ADAM30: variants seen among roughly 807,000 people sequenced by gnomAD.
ADAM30 encodes ADAM metallopeptidase domain 30.
For synonymous variants in ADAM30, 382 were observed against 340.9 expected (o/e 1.12, Z -1.33); for missense variants, 960 against 959.4 (o/e 1.00, Z -0.01).
Position 119,895,457 on chromosome 1 carries a change from G to C in ADAM30, c.880C>G (p.His294Asp), listed in dbSNP as rs1295770679. 3 of 1,613,718 alleles carry C rather than the reference G, an allele frequency of 1.9e-6. No homozygotes were observed. The African/African-American group carries it at 4.0e-5, about 22-fold the overall frequency. The change falls in exon 1 of 1, where the codon CAT (histidine) becomes GAT (aspartate). Residue 294 changes from histidine to aspartate, a missense_variant. Coordinates refer to ENST00000369400, the MANE Select transcript of ADAM30 (RefSeq NM_021794.4). ...TTATATTTTCTTTGAAGATATAAAT[G>C]TGCCCAATCTGATGACAGGCGAGCA... ...LNARLSSDWA[H>D]LYLQRKYNDA...
In ADAM30 at chr1:119,896,188, C is replaced by T. The variant is rs201865600; in HGVS notation, c.149G>A (p.Ser50Asn). ...SYEVTIPEKL[S>N]FRGEVQGVVS... The stretch of plus-strand genomic sequence containing the variant: ...CACACCCTGCACCTCTCCCCGGAAG[C>T]TCAGCTTCTCAGGAATGGTGACTTC... The change falls in exon 1 of 1, where the codon AGC becomes AAC. Residue 50 changes from serine to asparagine, a missense_variant. Coordinates refer to ENST00000369400, the MANE Select transcript of ADAM30 (RefSeq NM_021794.4). 30 of 1,614,088 alleles carry T rather than the reference C, an allele frequency of 1.9e-5. No homozygotes were observed. Among genetic ancestry groups the T allele is most frequent in the Non-Finnish European group, 2.4e-5 (28 of 1,180,038 alleles).
At position 119,895,252 on chromosome 1, in the gene ADAM30, A is replaced by G; in HGVS notation, c.1085T>C (p.Ile362Thr). ...AAACCCAGTGCGTCCTGAGCCCATGATGCAATTAAGCCTACCCCTACATTG... is the reference window on the plus strand; with the variant it reads ...AAACCCAGTGCGTCCTGAGCCCATGGTGCAATTAAGCCTACCCCTACATTG... ...YCQCRGRLNC[I>T]MGSGRTGFSN... is the part of the protein sequence containing the mutation. Residue 362 changes from isoleucine to threonine, a missense_variant, in exon 1 of 1, where the codon ATC becomes ACC. Transcript: ENST00000369400. 1 of 1,614,172 alleles carries G rather than the reference A, an allele frequency of 6.2e-7. No individual in the cohort carries two copies. Among genetic ancestry groups the G allele is most frequent in the Non-Finnish European group, 8.5e-7 (1 of 1,180,026 alleles).
chr1:119,894,401 T>G lies in ADAM30; in HGVS notation c.1936A>C (p.Asn646His), dbSNP rs1422469951. ...TACATGCAGTGGCAGTTTTTTCTGT[T>G]GTTGCAAACACCCCGGGTATTGCAT... ...EKCNTRGVCNNRKNCHCMYGW... is the reference protein window; with the variant it reads ...EKCNTRGVCNHRKNCHCMYGW... Residue 646 changes from asparagine to histidine, a missense_variant, in exon 1 of 1, where the codon AAC (asparagine) becomes CAC (histidine). Coordinates refer to ENST00000369400, the MANE Select transcript of ADAM30 (RefSeq NM_021794.4). 1 of 1,614,098 alleles carries G rather than the reference T, an allele frequency of 6.2e-7. No homozygotes were observed. Among genetic ancestry groups the G allele is most frequent in the Non-Finnish European group, 8.5e-7 (1 of 1,180,056 alleles).
rs749260309 is a variant in ADAM30, at chr1:119,894,358, A to T, written c.1979T>A (p.Phe660Tyr). The change falls in exon 1 of 1, where the codon TTC (phenylalanine) becomes TAC (tyrosine). Residue 660 changes from phenylalanine (F) to tyrosine (Y), a missense_variant. Physicochemically the swap from Phe to Tyr is conservative, Grantham distance 22 (BLOSUM62 3). Coordinates refer to ENST00000369400, the MANE Select transcript of ADAM30 (RefSeq NM_021794.4). Reference protein sequence around the residue: ...CHCMYGWAPPFCEEVGYGGSI... With the variant: ...CHCMYGWAPPYCEEVGYGGSI... Reference sequence around the variant, plus strand: ...TCCTCCATACCCCACTTCCTCACAGAATGGAGGTGCCCACCCATACATGCA... The same window carrying T: ...TCCTCCATACCCCACTTCCTCACAGTATGGAGGTGCCCACCCATACATGCA... The T allele has an allele frequency of 5.6e-6, 9 of 1,614,058 alleles. No individual in the cohort carries two copies. The African/African-American group carries it at 9.3e-5, about 17-fold the overall frequency.
In ADAM30 at chr1:119,895,864, A is replaced by G. The variant is rs1298007405; in HGVS notation, c.473T>C (p.Val158Ala). The change falls in exon 1 of 1, where the codon GTC (valine) becomes GCC (alanine). Residue 158 changes from valine to alanine, a missense_variant. By Grantham distance (64) the Val-to-Ala change is moderately conservative. Transcript: ENST00000369400. ...CTGCTCTTTCTTCAGGAGATAGACG[A>G]CATGTTCAAAACTGGGAGAGGCCTT... The part of the protein sequence containing the change: ...PLKASPSFEH[V>A]VYLLKKEQFG... The G allele has an allele frequency of 1.2e-6, 2 of 1,614,188 alleles. No individual in the cohort carries two copies. Among genetic ancestry groups the G allele is most frequent in the Non-Finnish European group, 1.7e-6 (2 of 1,180,046 alleles).
rs1648486637 is a variant in ADAM30 at position 119,893,689 on chromosome 1, T to TCA, written c.*273_*274dup. ...GAATAGCATGGTAATTCTAGGAAAC[T>TCA]CACTACTTTCAGAGCTTTAGTGTAT... is the stretch of plus-strand genomic sequence containing the variant. On this transcript the variant is annotated 3_prime_UTR_variant, in exon 1 of 1. Transcript: ENST00000369400. 4 of 498,730 alleles carry TCA rather than the reference T, an allele frequency of 8.0e-6. No individual in the cohort carries two copies. In the Admixed American group the frequency reaches 1.2e-4, roughly 15 times the overall value. 30.9% of individuals were successfully genotyped at this position (498,730 alleles called of 1,614,324 possible). A position where few individuals can be genotyped will look rare whatever the true frequency, so the allele number is the denominator to read the frequency against.
Position 119,894,591 on chromosome 1 carries a change from T to G in ADAM30, c.1746A>C (p.Glu582Asp). The G allele has an allele frequency of 6.2e-7, 1 of 1,614,176 alleles. No individual in the cohort carries two copies. Among genetic ancestry groups the G allele is most frequent in the Middle Eastern group, 1.6e-4 (1 of 6,062 alleles). The change falls in exon 1 of 1, where the codon GAA becomes GAC. Residue 582 changes from glutamate to aspartate, a missense_variant. Coordinates refer to ENST00000369400, the MANE Select transcript of ADAM30 (RefSeq NM_021794.4). ...TTIISTHLQA[E>D]NLMCWGTGYH... The stretch of plus-strand genomic sequence containing the variant: ...AGCCTGTGCCCCAGCACATGAGATT[T>G]TCTGCCTGTAAATGAGTAGAAATTA...
At position 119,896,154 on chromosome 1, in the gene ADAM30, G is replaced by A. The variant is rs201524569; in HGVS notation, c.183C>T (p.Pro61=). Residue 61 remains proline (P), a synonymous_variant, in exon 1 of 1, where the codon CCC becomes CCT. Coordinates refer to ENST00000369400, the MANE Select transcript of ADAM30 (RefSeq NM_021794.4). The part of the protein sequence containing the change: ...FRGEVQGVVS[P]VSYLLQLKGK... ...CTTTTAACTGCAGTAGGTAGGACAC[G>A]GGACTGACCACACCCTGCACCTCTC... 9.7e-5 allele frequency: 156 copies of A among 1,614,046 alleles called. No homozygotes were observed. In the Middle Eastern group the frequency reaches 1.5e-3, roughly 15 times the overall value.
Position 119,895,461 on chromosome 1 carries a change from C to T in ADAM30, c.876G>A (p.Trp292Ter). 1.2e-6 allele frequency: 2 copies of T among 1,613,748 alleles called. No homozygotes were observed. The highest frequency in any genetic ancestry group is 1.7e-6 in the Non-Finnish European group (2 of 1,179,958). Residue 292 changes from tryptophan (W) to a stop codon, truncating the protein, a stop_gained, in exon 1 of 1, where the codon TGG becomes TGA. Coordinates refer to ENST00000369400, the MANE Select transcript of ADAM30 (RefSeq NM_021794.4). LOFTEE classifies it low-confidence loss of function (END_TRUNC). The part of the protein sequence containing the change: ...SVLNARLSSD[W>*]AHLYLQRKYN... ...ATTTTCTTTGAAGATATAAATGTGC[C>T]CAATCTGATGACAGGCGAGCATTTA...
chr1:119,894,867 C>T lies in ADAM30; in HGVS notation c.1470G>A (p.Lys490=), dbSNP rs749091259. The T allele has an allele frequency of 2.5e-6, 4 of 1,614,062 alleles. No individual in the cohort carries two copies. Among genetic ancestry groups the T allele is most frequent in the East Asian group, 2.2e-5 (1 of 44,898 alleles). ...DVYKQDGTPC[K]YEGRCFRKGC... The stretch of plus-strand genomic sequence containing the variant: ...CCTTCCTGAAACAACGGCCTTCATA[C>T]TTGCAAGGGGTTCCATCCTGCTTAT... The change falls in exon 1 of 1, where the codon AAG becomes AAA. Residue 490 remains lysine, a synonymous_variant. Coordinates refer to ENST00000369400, the MANE Select transcript of ADAM30 (RefSeq NM_021794.4).
rs1219415067 is a variant in ADAM30 at position 119,895,988 on chromosome 1, T to C, written c.349A>G (p.Lys117Glu). The change falls in exon 1 of 1, where the codon AAA (lysine) becomes GAA (glutamate). Residue 117 changes from lysine (K) to glutamate (E), a missense_variant. Coordinates refer to ENST00000369400, the MANE Select transcript of ADAM30 (RefSeq NM_021794.4). ...PKDCNYMGSV[K>E]ESLDSKATIS... ...GTAGCTTTAGAGTCCAGAGACTCTTTCACGGAGCCCATGTAGTTGCAGTCC... is the reference window on the plus strand; with the variant it reads ...GTAGCTTTAGAGTCCAGAGACTCTTCCACGGAGCCCATGTAGTTGCAGTCC... The C allele has an allele frequency of 6.8e-6, 11 of 1,614,166 alleles. No homozygotes were observed.
In ADAM30 at chr1:119,894,064, C is replaced by A. The variant is rs1402094024; in HGVS notation, c.2273G>T (p.Gly758Val). 8.7e-6 allele frequency: 14 copies of A among 1,613,666 alleles called. No homozygotes were observed. The highest frequency in any genetic ancestry group is 4.5e-5 in the East Asian group (2 of 44,868). The change falls in exon 1 of 1, where the codon GGA becomes GTA. Residue 758 changes from glycine (G) to valine (V), a missense_variant. Coordinates refer to ENST00000369400, the MANE Select transcript of ADAM30 (RefSeq NM_021794.4). ...TGQEESEAKT[G>V]QEESKAKTGQ... Reference sequence around the variant, plus strand: ...AGTTTTTGCTTTAGATTCTTCCTGTCCAGTTTTTGCTTCAGATTCTTCCTG... The same window carrying A: ...AGTTTTTGCTTTAGATTCTTCCTGTACAGTTTTTGCTTCAGATTCTTCCTG...
At position 119,894,411 on chromosome 1, in the gene ADAM30, A is replaced by G; in HGVS notation, c.1926T>C (p.Gly642=). 1 of 1,614,112 alleles carries G rather than the reference A, an allele frequency of 6.2e-7. No homozygotes were observed. Among genetic ancestry groups the G allele is most frequent in the Non-Finnish European group, 8.5e-7 (1 of 1,180,020 alleles). ...DCLPEKCNTR[G]VCNNRKNCHC... Reference sequence around the variant, plus strand: ...GGCAGTTTTTTCTGTTGTTGCAAACACCCCGGGTATTGCATTTCTCAGGCA... The same window carrying G: ...GGCAGTTTTTTCTGTTGTTGCAAACGCCCCGGGTATTGCATTTCTCAGGCA... Residue 642 remains glycine (G), a synonymous_variant, in exon 1 of 1, where the codon GGT becomes GGC. Coordinates refer to ENST00000369400, the MANE Select transcript of ADAM30 (RefSeq NM_021794.4).
Position 119,895,868 on chromosome 1 carries a change from G to T in ADAM30, c.469C>A (p.His157Asn). The change falls in exon 1 of 1, where the codon CAT becomes AAT. Residue 157 changes from histidine to asparagine, a missense_variant. Coordinates refer to ENST00000369400, the MANE Select transcript of ADAM30 (RefSeq NM_021794.4). ...TCTTTCTTCAGGAGATAGACGACAT[G>T]TTCAAAACTGGGAGAGGCCTTGAGG... ...EPLKASPSFE[H>N]VVYLLKKEQF... The T allele has an allele frequency of 1.9e-6, 3 of 1,614,138 alleles. No individual in the cohort carries two copies. Among genetic ancestry groups the T allele is most frequent in the African/African-American group, 1.3e-5 (1 of 75,024 alleles).
chr1:119,893,967 C>CA lies in ADAM30; in HGVS notation c.2369_2370insT (p.Lys790AsnfsTer11), dbSNP rs776348199. 3 of 1,606,102 alleles carry CA rather than the reference C, an allele frequency of 1.9e-6. No homozygotes were observed. The South Asian group carries it at 3.4e-5, about 18-fold the overall frequency. On this transcript the variant is annotated frameshift_variant, in exon 1 of 1. Coordinates refer to ENST00000369400, the MANE Select transcript of ADAM30 (RefSeq NM_021794.4). LOFTEE classifies it high-confidence loss of function. ...TGAATGAGTATGGATTGCCCGGTTA[C>CA]TTTTTTTGTTTCTTGACACTCTTTG...
rs1648567122 is a variant in ADAM30, at chr1:119,895,805, C to T, written c.532G>A (p.Glu178Lys). The T allele has an allele frequency of 1.9e-6, 3 of 1,614,072 alleles. No homozygotes were observed. The highest frequency in any genetic ancestry group is 2.7e-5 in the African/African-American group (2 of 74,920). ...GNQVCGLSDD[E>K]IEWQMAPYEN... ...TAAGGGGCCATCTGCCATTCTATTT[C>T]ATCATCACTTAAGCCACAAACCTGA... is the stretch of plus-strand genomic sequence containing the variant. The change falls in exon 1 of 1, where the codon GAA (glutamate) becomes AAA (lysine). Residue 178 changes from glutamate to lysine, a missense_variant. Transcript: ENST00000369400.
rs776842006 is a variant in ADAM30, at chr1:119,894,025, G to A, written c.2312C>T (p.Ser771Phe). ...TCGTTTACTTTCAATGTTTGCTTTAGATTCTTCCTGTCCAGTTTTTGCTTT... is the reference window on the plus strand; with the variant it reads ...TCGTTTACTTTCAATGTTTGCTTTAAATTCTTCCTGTCCAGTTTTTGCTTT... ...ESKAKTGQEESKANIESKRPK... is the reference protein window; with the variant it reads ...ESKAKTGQEEFKANIESKRPK... Residue 771 changes from serine to phenylalanine, a missense_variant, in exon 1 of 1, where the codon TCT becomes TTT. Physicochemically the swap from Ser to Phe is radical, Grantham distance 155 (BLOSUM62 -2). Transcript: ENST00000369400. 3 of 1,613,342 alleles carry A rather than the reference G, an allele frequency of 1.9e-6. No individual in the cohort carries two copies. In the Admixed American group the frequency reaches 5.0e-5, roughly 27 times the overall value.
chr1:119,894,840 C>A lies in ADAM30; in HGVS notation c.1497G>T (p.Gly499=), dbSNP rs1398628605. The A allele has an allele frequency of 3.1e-6, 5 of 1,614,142 alleles. No homozygotes were observed. Among genetic ancestry groups the A allele is most frequent in the South Asian group, 2.2e-5 (2 of 91,076 alleles). ...GGCACTGCATATATCTGGATCTGCA[C>A]CCCTTCCTGAAACAACGGCCTTCAT... The part of the protein sequence containing the change: ...CKYEGRCFRK[G]CRSRYMQCQS... The change falls in exon 1 of 1, where the codon GGG becomes GGT. Residue 499 remains glycine (G), a synonymous_variant. Transcript: ENST00000369400.
In ADAM30 at chr1:119,896,504, T is replaced by C. The variant is rs143911731; in HGVS notation, c.-168A>G. The C allele has an allele frequency of 3.9e-4, 423 of 1,086,340 alleles. No individual in the cohort carries two copies. Among genetic ancestry groups the C allele is most frequent in the Non-Finnish European group, 4.3e-4 (344 of 800,838 alleles). 67.3% of individuals were successfully genotyped at this position (1,086,340 alleles called of 1,614,324 possible). On this transcript the variant is annotated 5_prime_UTR_variant, in exon 1 of 1. Coordinates refer to ENST00000369400, the MANE Select transcript of ADAM30 (RefSeq NM_021794.4). ...CTCCCAGGGCTCGGTCTAGCTGGCG[T>C]CCGCAATGCGCGCGTGACCTGTCCA...
Sources: gnomAD v4.1 joint callset for allele counts on GRCh38, gnomAD v4.1.1 for gene constraint, MANE v1.5 for transcripts, NCBI Gene and HGNC (gene_info 2026-07-23, HGNC 2026-07-21) for gene names.